The following CCDC7 variants were observed in gnomAD, a reference collection of about 807,000 sequenced individuals.
CCDC7 encodes the protein coiled-coil domain containing 7, also known as coiled-coil domain-containing protein 7.
CCDC7 carries 183 observed loss-of-function variants against 196.9 expected under a neutral mutation model. The ratio of observed to expected loss-of-function variants is 0.93; its 90% CI spans 0.82 to 1.05. The LOEUF (loss-of-function observed/expected upper bound fraction) is 1.05. CCDC7 is among the 50% of genes least tolerant of loss of function. CCDC7 has a pLI of 0.00. For missense variants in CCDC7, 1,540 were observed against 1,482.2 expected (o/e 1.04, Z -0.64); for synonymous variants, 525 against 484.6 (o/e 1.08, Z -1.10).
intron 29 of CCDC7, among the ~76,000 whole-genome samples, chr10:32,797,193 G>A (rs1592848652): frequency 7.2e-6 from 1 of 137,956 alleles, no homozygotes; most frequent in Admixed American, 7.4e-5. Flanking sequence ...ATATATATAC[G>A]TATATATATA....
At chr10:32,473,538 G>C (rs1223344530) in intron 7 of CCDC7, among the ~76,000 whole-genome samples, 1 of 152,154 alleles carries the variant, frequency 6.6e-6, no homozygotes, top group Non-Finnish European at 1.5e-5. Flanking sequence ...GTAGAAGCTA[G>C]ATTTGGGGAC....
intron 28 of CCDC7, among the ~76,000 whole-genome samples, chr10:32,753,088 G>A (rs910027010): frequency 6.6e-6 from 1 of 152,152 alleles, no homozygotes; most frequent in African/African-American, 2.4e-5. Context: ...TAGAGTAGAT[G>A]TATTTTCTTT....
chr10:32,694,987 ATAG>A (rs1291587584), exon 24 of CCDC7: 14 of 1,541,056 alleles, frequency 9.1e-6, no homozygotes, highest in Middle Eastern at 1.8e-4. Context: ...GAGAAAAGAC[ATAG>A]TAGTAAGTAT....
chr10:32,597,266 C>T (rs567177533), intron 18 of CCDC7, among the ~76,000 whole-genome samples: 10 of 152,218 alleles, frequency 6.6e-5, no homozygotes, highest in Middle Eastern at 6.8e-3. Flanking sequence ...TCATTTCATT[C>T]GTTTGATCTT....
intron 3 of CCDC7, among the ~76,000 whole-genome samples, chr10:32,460,369 A>G (rs951601861): frequency 2.0e-5 from 3 of 152,208 alleles, no homozygotes; most frequent in African/African-American, 7.2e-5. Context: ...CATTTTTATC[A>G]ACAATGATCT....
At chr10:32,751,746 T>A (rs1471527694) in intron 28 of CCDC7, among the ~76,000 whole-genome samples, 1 of 152,154 alleles carries the variant, frequency 6.6e-6, no homozygotes, top group Admixed American at 6.5e-5. Flanking sequence ...TAATGGGGGC[T>A]TGTGCTGATA....
chr10:32,799,725 T>G (rs1305999555), intron 29 of CCDC7, among the ~76,000 whole-genome samples: 1 of 152,234 alleles, frequency 6.6e-6, no homozygotes, highest in East Asian at 1.9e-4. Context: ...TCCTCTGGCA[T>G]GCAAATGTCT....
intron 18 of CCDC7, among the ~76,000 whole-genome samples, chr10:32,606,496 A>C (rs1331792934): frequency 6.6e-6 from 1 of 152,250 alleles, no homozygotes; most frequent in African/African-American, 2.4e-5. Context: ...ACTCAACTCC[A>C]ACCTGTAAGA....
At chr10:32,621,484 CA>C (rs1297077201) in intron 18 of CCDC7, among the ~76,000 whole-genome samples, 5 of 152,134 alleles carry the variant, frequency 3.3e-5, no homozygotes, top group African/African-American at 1.2e-4. Flanking sequence ...ATATCTCTAT[CA>C]ATATATAGAT....
At chr10:32,626,596 G>A (rs921661927) in intron 18 of CCDC7, among the ~76,000 whole-genome samples, 2 of 151,682 alleles carry the variant, frequency 1.3e-5, no homozygotes, top group African/African-American at 4.8e-5. Context: ...TTTTGCTTTT[G>A]TTGCCTGTGC....
chr10:32,451,518 GA>G, upstream of CCDC7: 1 of 1,353,692 alleles, frequency 7.4e-7, no homozygotes. Context: ...AAAGCCATCA[GA>G]AAAAGAGAAA....
chr10:32,807,852 TCCCAAG>T (rs2086176695), intron 30 of CCDC7, among the ~76,000 whole-genome samples: 1 of 152,010 alleles, frequency 6.6e-6, no homozygotes, highest in Non-Finnish European at 1.5e-5. Context: ...TGTCTTAGCC[TCCCAAG>T]TAGCTGGGAC....
At chr10:32,853,701 T>C (rs1376881836) in intron 40 of CCDC7, among the ~76,000 whole-genome samples, 7 of 152,204 alleles carry the variant, frequency 4.6e-5, no homozygotes, top group African/African-American at 1.4e-4. Flanking sequence ...ATTATAGCAC[T>C]AGATTTCTCA....
rs985497974 is a variant in CCDC7, at chr10:32,726,852, A to G, written c.2668+20A>G. 3.6e-6 allele frequency: 5 copies of G among 1,391,914 alleles called. No individual in the cohort carries two copies. In the African/African-American group the frequency reaches 4.4e-5, roughly 12 times the overall value. 86.2% of individuals were successfully genotyped at this position (1,391,914 alleles called of 1,614,324 possible). On this transcript the variant is annotated intron_variant, in intron 26 of 41. Coordinates refer to ENST00000639629, the Ensembl canonical transcript of CCDC7. ...GTAATAGTAAGTGTAGTAATTATAG[A>G]TGACTTTAAATTATTTTAAAATTAA...
At chr10:32,515,443 A>G (rs2135454414) in intron 9 of CCDC7, among the ~76,000 whole-genome samples, 1 of 152,360 alleles carries the variant, frequency 6.6e-6, no homozygotes, top group East Asian at 1.9e-4. Flanking sequence ...TTGATTTTCA[A>G]GGTAAGATGA....
At chr10:32,815,524 T>C (rs2088242769) in intron 31 of CCDC7, among the ~76,000 whole-genome samples, 1 of 152,082 alleles carries the variant, frequency 6.6e-6, no homozygotes, top group Non-Finnish European at 1.5e-5. Flanking sequence ...GCAAACTTAA[T>C]ATAATGGGAA....
chr10:32,741,701 G>A (rs146017303), intron 28 of CCDC7, among the ~76,000 whole-genome samples: 264 of 152,180 alleles, frequency 1.7e-3, no homozygotes, highest in Middle Eastern at 0.014. Flanking sequence ...TTCGTTAATT[G>A]TATTATTTAA....
At chr10:32,736,992 T>G (rs1450654242) in intron 28 of CCDC7, among the ~76,000 whole-genome samples, 3 of 152,120 alleles carry the variant, frequency 2.0e-5, no homozygotes, top group Non-Finnish European at 2.9e-5. Context: ...TAGGTATTTG[T>G]TTTTTGCAGA....
In CCDC7 at chr10:32,828,497, A is replaced by G. The variant is rs147543247; in HGVS notation, c.3268+3893A>G. 8.7e-3 allele frequency among the ~76,000 whole-genome samples: 815 copies of G among 93,872 alleles called. 11 individuals are homozygous for G. The highest frequency in any genetic ancestry group is 0.026 in the East Asian group (61 of 2,368). The allele number at this position is 93,872 out of a possible 152,430, so 61.6% of individuals were successfully genotyped here. A position where few individuals can be genotyped will look rare whatever the true frequency, so the allele number is the denominator to read the frequency against. On this transcript the variant is annotated intron_variant, in intron 32 of 41. Coordinates refer to ENST00000639629, the Ensembl canonical transcript of CCDC7. ...AGGAAGAGGAAGAGGAAGAAGAAGA[A>G]GAAGAAGAAGAAGAAGAAGAAGAAG... is the stretch of plus-strand genomic sequence containing the variant.
Sources: gnomAD v4.1 joint callset for allele counts (sites outside exome capture counted in the v4.1 genomes callset) on GRCh38, gnomAD v4.1.1 for gene constraint, MANE v1.5 for transcripts, NCBI Gene and HGNC (gene_info 2026-07-23, HGNC 2026-07-21) for gene names.